Variants in TBC1D1 observed in about 807,000 individuals in gnomAD.
TBC1D1 encodes the protein TBC1 domain family member 1, also known as TBC1 (tre-2/USP6, BUB2, cdc16) domain family, member 1.
TBC1D1 carries 89 observed loss-of-function variants against 125.6 expected under a neutral mutation model. The observed-to-expected ratio is 0.71, with a 90% CI of 0.60 to 0.85. TBC1D1 has a LOEUF of 0.85. Ranked by LOEUF, TBC1D1 falls within the 40% of genes least tolerant of loss-of-function variation. TBC1D1 has a pLI of 0.00. For missense variants in TBC1D1, 1,377 were observed against 1,469.2 expected (o/e 0.94, Z 1.03); for synonymous variants, 565 against 564.1 (o/e 1.00, Z -0.02).
chr4:38,054,525 G>A (rs1751327210), intron 12 of TBC1D1, among the ~76,000 whole-genome samples, 187 bp downstream of exon 14: 1 of 152,162 alleles, frequency 6.6e-6, no homozygotes, highest in African/African-American at 2.4e-5. Context: ...GGAATTTAAA[G>A]CTAATTTAGG....
At chr4:37,945,079 C>T (rs1199535024) in intron 2 of TBC1D1, among the ~76,000 whole-genome samples, 1 of 149,536 alleles carries the variant, frequency 6.7e-6, no homozygotes, top group East Asian at 2.0e-4. Flanking sequence ...TATGACAAAC[C>T]ATAAGGCACA....
At chr4:38,124,064 A>G (rs1292003914) in intron 17 of TBC1D1, among the ~76,000 whole-genome samples, 10 of 152,280 alleles carry the variant, frequency 6.6e-5, no homozygotes, top group Non-Finnish European at 1.0e-4. Context: ...AACAGAGAAA[A>G]GAAATACTGA....
intron 8 of TBC1D1, among the ~76,000 whole-genome samples, chr4:38,043,555 C>T (rs893890297): frequency 3.1e-4 from 46 of 150,076 alleles, no homozygotes; most frequent in African/African-American, 1.0e-3. Flanking sequence ...TGTACTCCAG[C>T]CTGGGCAACA....
chr4:38,025,224 AG>A (rs1404334247), intron 6 of TBC1D1, among the ~76,000 whole-genome samples: 1 of 152,118 alleles, frequency 6.6e-6, no homozygotes, highest in Non-Finnish European at 1.5e-5. Context: ...AGGAGCCAGG[AG>A]GGGTTGTAGT....
chr4:38,119,530 G>C (rs896573418), intron 17 of TBC1D1, among the ~76,000 whole-genome samples: 20 of 150,718 alleles, frequency 1.3e-4, no homozygotes, highest in African/African-American at 4.9e-4. Context: ...AAAAAAAAAA[G>C]ATTAACTAAA....
chr4:37,923,608 G>C (rs1320995062), intron 2 of TBC1D1, among the ~76,000 whole-genome samples: 1 of 151,896 alleles, frequency 6.6e-6, no homozygotes, highest in Non-Finnish European at 1.5e-5. Flanking sequence ...ATTCCATCGA[G>C]GTGAGTGGCA....
At chr4:37,916,756 C>CTGTTT (rs530982240) in intron 2 of TBC1D1, among the ~76,000 whole-genome samples, 412 of 152,030 alleles carry the variant, frequency 2.7e-3, no homozygotes, top group South Asian at 7.1e-3. Flanking sequence ...TTAGCTGCTA[C>CTGTTT]TGTTTTGTTT....
intron 2 of TBC1D1, among the ~76,000 whole-genome samples, chr4:37,940,665 A>C (rs911187993): frequency 2.2e-4 from 34 of 152,306 alleles, no homozygotes; most frequent in African/African-American, 7.9e-4. Context: ...TGAGTTTGTC[A>C]TAGATAGCTC....
At chr4:37,972,481 C>CA (rs74577993) in intron 2 of TBC1D1, among the ~76,000 whole-genome samples, 45,337 of 98,090 alleles carry the variant, frequency 0.46, 8,837 homozygotes, top group East Asian at 0.66. Context: ...AACGCCGTTT[C>CA]AAAAAAAAAA....
intron 1 of TBC1D1, among the ~76,000 whole-genome samples, chr4:37,893,012 C>T (rs1713705437): frequency 6.6e-6 from 1 of 152,140 alleles, no homozygotes; most frequent in South Asian, 2.1e-4. Context: ...CTTCTAGGAT[C>T]TTCTAGGATG....
At chr4:37,983,478 T>G (rs952342815) in intron 2 of TBC1D1, among the ~76,000 whole-genome samples, 1 of 152,242 alleles carries the variant, frequency 6.6e-6, no homozygotes, top group Non-Finnish European at 1.5e-5. Context: ...GTCACCACAC[T>G]GTGCCCAGCT....
At chr4:38,077,725 A>T (rs1253693993) in intron 12 of TBC1D1, among the ~76,000 whole-genome samples, 2 of 150,140 alleles carry the variant, frequency 1.3e-5, no homozygotes, top group Non-Finnish European at 2.9e-5. Context: ...AGCCGTCGTC[A>T]TCCTTTTTTC....
intron 2 of TBC1D1, among the ~76,000 whole-genome samples, chr4:37,927,768 G>C (rs1191543584): frequency 6.6e-6 from 1 of 152,182 alleles, no homozygotes; most frequent in Non-Finnish European, 1.5e-5. Flanking sequence ...GGCACAGCAA[G>C]CATCTGTAGT....
intron 2 of TBC1D1, among the ~76,000 whole-genome samples, chr4:37,944,267 G>A (rs1198386824): frequency 6.6e-6 from 1 of 152,208 alleles, no homozygotes; most frequent in East Asian, 1.9e-4. Context: ...CTCCCAGTTA[G>A]GCTACTTGGG....
rs762725678 is a variant in TBC1D1, at chr4:38,125,150, C to G, written c.3132+19C>G. 6.6e-5 allele frequency: 107 copies of G among 1,611,038 alleles called. No individual in the cohort carries two copies. Among genetic ancestry groups the G allele is most frequent in the Non-Finnish European group, 8.8e-5 (104 of 1,178,136 alleles). On this transcript the variant is annotated intron_variant, in intron 18 of 19. Transcript: ENST00000261439. ...CAATCAGGTATGAGTCAGTCCAAAC[C>G]TTGCAAATGCTTAAGCCATCCTAGA...
At chr4:38,083,560 G>C (rs1187744318) in intron 12 of TBC1D1, among the ~76,000 whole-genome samples, 1 of 152,194 alleles carries the variant, frequency 6.6e-6, no homozygotes, top group Non-Finnish European at 1.5e-5. Context: ...ACTGTGTGCA[G>C]GCTTGTTTTT....
intron 12 of TBC1D1, among the ~76,000 whole-genome samples, chr4:38,085,863 A>G (rs774543439): frequency 2.0e-5 from 3 of 152,208 alleles, no homozygotes; most frequent in African/African-American, 4.8e-5. Context: ...CTTAGCTGAC[A>G]GTTGCCTCAG....
At chr4:38,090,894 A>C (rs1249545163) in intron 13 of TBC1D1, among the ~76,000 whole-genome samples, 2 of 152,230 alleles carry the variant, frequency 1.3e-5, no homozygotes, top group African/African-American at 2.4e-5. Context: ...ATTACAGTAC[A>C]TTTCATTCAG....
At chr4:38,057,672 C>T (rs1751977110) in intron 12 of TBC1D1, among the ~76,000 whole-genome samples, 2 of 152,214 alleles carry the variant, frequency 1.3e-5, no homozygotes, top group Non-Finnish European at 2.9e-5. Flanking sequence ...ATAATAGCCA[C>T]ATATTATGCT....
Sources: allele counts gnomAD v4.1 joint callset (sites outside exome capture counted in the v4.1 genomes callset), GRCh38; gene constraint gnomAD v4.1.1; transcripts MANE v1.5; gene names NCBI Gene and HGNC (gene_info 2026-07-23, HGNC 2026-07-21).